The following BABAM2 variants were observed in gnomAD, a reference collection of about 807,000 sequenced individuals.
BABAM2 encodes BRISC and BRCA1-A complex member 2.
In BABAM2, 31 loss-of-function variants were observed where a neutral mutation model predicts 54.7. The observed-to-expected ratio is 0.57, with a 90% CI of 0.43 to 0.77. The LOEUF is 0.77. Among genes scored for constraint, BABAM2 ranks in the 30% least tolerant of loss-of-function variants. The pLI is 0.00. For missense variants in BABAM2, 364 were observed against 455.8 expected (o/e 0.80, Z 1.83); for synonymous variants, 167 against 162.9 (o/e 1.03, Z -0.19).
In BABAM2 at chr2:28,092,479, A is replaced by C. The variant is rs1449418657; in HGVS notation, c.571-36792A>C. 2.6e-5 allele frequency among the ~76,000 whole-genome samples: 4 copies of C among 152,194 alleles called. No homozygotes were observed. The East Asian group carries it at 7.7e-4, about 29-fold the overall frequency. On this transcript the variant is annotated intron_variant, in intron 6 of 11. Transcript: ENST00000379624. ...GAAAAACAATACCATTTAAAATAGCATCAAAAAGCATAAAATATGAACAAA... is the reference window on the plus strand; with the variant it reads ...GAAAAACAATACCATTTAAAATAGCCTCAAAAAGCATAAAATATGAACAAA...
intron 6 of BABAM2, among the ~76,000 whole-genome samples, chr2:28,101,263 A>AT (rs1213102922): frequency 1.3e-5 from 2 of 151,884 alleles, no homozygotes; most frequent in Admixed American, 1.3e-4. Flanking sequence ...ATATTGCCTG[A>AT]TATCTAGCAT....
intron 10 of BABAM2, among the ~76,000 whole-genome samples, chr2:28,268,009 C>A (rs56226240): frequency 0.087 from 13,201 of 152,130 alleles, 736 homozygotes; most frequent in African/African-American, 0.15. Context: ...TGTATCTATA[C>A]ACAATAAAGA....
At chr2:28,094,234 G>A (rs1412649284) in intron 6 of BABAM2, among the ~76,000 whole-genome samples, 2 of 152,128 alleles carry the variant, frequency 1.3e-5, no homozygotes, top group African/African-American at 4.8e-5. Context: ...CTGTAATGAG[G>A]ATGATTTATG....
chr2:28,041,471 A>G (rs1677093302), intron 5 of BABAM2, among the ~76,000 whole-genome samples: 2 of 152,324 alleles, frequency 1.3e-5, no homozygotes, highest in Middle Eastern at 3.4e-3. Context: ...GTTGTTCCAC[A>G]TAGATGTAGT....
intron 7 of BABAM2, among the ~76,000 whole-genome samples, chr2:28,153,622 A>G (rs1672261188): frequency 6.6e-6 from 1 of 152,194 alleles, no homozygotes; most frequent in Non-Finnish European, 1.5e-5. Flanking sequence ...TGGAACCCCA[A>G]AGCAGTGCTT....
At chr2:28,315,314 G>T (rs1275522583) in intron 11 of BABAM2, among the ~76,000 whole-genome samples, 1 of 151,814 alleles carries the variant, frequency 6.6e-6, no homozygotes, top group African/African-American at 2.4e-5. Flanking sequence ...GTTAAATGCT[G>T]AAATGATTGT....
intron 7 of BABAM2, among the ~76,000 whole-genome samples, chr2:28,139,259 T>TGCA (rs1670820593): frequency 1.5e-5 from 2 of 136,070 alleles, no homozygotes; most frequent in African/African-American, 5.8e-5. Context: ...AGGTGGAGGT[T>TGCA]GCAGTAAGCC....
chr2:28,157,043 G>A (rs1384921999), intron 7 of BABAM2, among the ~76,000 whole-genome samples: 2 of 152,128 alleles, frequency 1.3e-5, no homozygotes, highest in Admixed American at 6.5e-5. Context: ...ATGAAAATAG[G>A]ATGCTCTTTT....
At chr2:28,260,299 C>CTTTTTTGTT (rs1684380386) in intron 10 of BABAM2, among the ~76,000 whole-genome samples, 1 of 120,426 alleles carries the variant, frequency 8.3e-6, no homozygotes, top group Non-Finnish European at 1.8e-5. Flanking sequence ...TATTTCTTTT[C>CTTTTTTGTT]TTTTTTTTTT....
intron 11 of BABAM2, among the ~76,000 whole-genome samples, chr2:28,323,125 C>A (rs1376068473): frequency 6.6e-6 from 1 of 152,216 alleles, no homozygotes; most frequent in Non-Finnish European, 1.5e-5. Context: ...GACTGTGTGT[C>A]CCCTGAGGGC....
chr2:28,327,196 A>C (rs990744460), intron 11 of BABAM2: 3 of 1,469,094 alleles, frequency 2.0e-6, no homozygotes, highest in Non-Finnish European at 2.7e-6. Flanking sequence ...TCAGGAGCCC[A>C]TTAGGACTAC....
At chr2:28,232,883 G>A (rs944329043) in intron 7 of BABAM2, among the ~76,000 whole-genome samples, 8 of 152,158 alleles carry the variant, frequency 5.3e-5, no homozygotes, top group African/African-American at 1.9e-4. Context: ...AATACATTCA[G>A]TATAGACAGT....
chr2:28,037,806 C>T (rs888796289), intron 5 of BABAM2, among the ~76,000 whole-genome samples: 33 of 152,040 alleles, frequency 2.2e-4, no homozygotes, highest in African/African-American at 7.0e-4. Flanking sequence ...CTCAGAGCTC[C>T]GAGCAAAATA....
intron 10 of BABAM2, among the ~76,000 whole-genome samples, chr2:28,252,022 T>C (rs1465500336): frequency 6.6e-6 from 1 of 152,104 alleles, no homozygotes. Flanking sequence ...ACCCTGTCTC[T>C]ACTAAAAATA....
At chr2:28,201,785 G>A (rs1359800549) in intron 7 of BABAM2, among the ~76,000 whole-genome samples, 1 of 152,120 alleles carries the variant, frequency 6.6e-6, no homozygotes, top group Non-Finnish European at 1.5e-5. Context: ...TAAAGACGCT[G>A]GCAAGAAACT....
chr2:28,262,577 G>A (rs4666048), intron 10 of BABAM2, among the ~76,000 whole-genome samples: 93,749 of 151,730 alleles, frequency 0.62, 31,591 homozygotes, highest in East Asian at 0.99. Context: ...ATGATTCCCA[G>A]GTTTCTTTTT....
chr2:28,201,420 A>G (rs1678258249), intron 7 of BABAM2, among the ~76,000 whole-genome samples: 2 of 152,116 alleles, frequency 1.3e-5, no homozygotes, highest in South Asian at 2.1e-4. Context: ...CTTTTTTTAT[A>G]TATGGATCTT....
chr2:28,193,392 G>T (rs1221748903), intron 7 of BABAM2, among the ~76,000 whole-genome samples: 1 of 152,118 alleles, frequency 6.6e-6, no homozygotes, highest in Non-Finnish European at 1.5e-5. Flanking sequence ...GGATCTGAAG[G>T]CCTGGTCTAG....
At chr2:28,301,229 G>A (rs1487154488) in intron 11 of BABAM2, among the ~76,000 whole-genome samples, 1 of 152,180 alleles carries the variant, frequency 6.6e-6, no homozygotes, top group Admixed American at 6.5e-5. Flanking sequence ...CCTTTTGAGT[G>A]GAATCAGCTG....
Sources: allele counts gnomAD v4.1 joint callset (sites outside exome capture counted in the v4.1 genomes callset), GRCh38; gene constraint gnomAD v4.1.1; transcripts MANE v1.5; gene names NCBI Gene and HGNC (gene_info 2026-07-23, HGNC 2026-07-21).